Variants in LHFPL3 observed in about 807,000 individuals in gnomAD.
LHFPL3 encodes LHFPL tetraspan subfamily member 3 protein.
A neutral mutation model predicts 19.3 loss-of-function variants in LHFPL3; 5 were observed. The ratio of observed to expected loss-of-function variants is 0.26; its 90% CI spans 0.14 to 0.54. The LOEUF (loss-of-function observed/expected upper bound fraction) is 0.54, where lower values mean the gene tolerates loss of function less well. LHFPL3 is among the 20% of genes least tolerant of loss of function. The pLI, the probability that LHFPL3 is intolerant of heterozygous loss-of-function variation, is 0.94. For missense variants in LHFPL3, 249 were observed against 307.4 expected, an observed-to-expected ratio of 0.81 and a Z score of 1.42; for synonymous variants, 133 against 126.2, an observed-to-expected ratio of 1.05 and a Z score of -0.36.
At chr7:104,678,343 C>T (rs1212204286) in intron 1 of LHFPL3, among the ~76,000 whole-genome samples, 1 of 152,152 alleles carries the variant, frequency 6.6e-6, no homozygotes, top group Non-Finnish European at 1.5e-5. Flanking sequence ...GCACCCCTTA[C>T]CAAACGTTGC....
chr7:104,429,277 TTTC>T (rs1198930157), intron 1 of LHFPL3, among the ~76,000 whole-genome samples: 2 of 151,382 alleles, frequency 1.3e-5, no homozygotes, highest in South Asian at 2.1e-4. Flanking sequence ...AGGATGCATA[TTTC>T]GGAATCTACC....
chr7:104,422,893 A>G (rs188255109), intron 1 of LHFPL3, among the ~76,000 whole-genome samples: 70 of 152,332 alleles, frequency 4.6e-4, no homozygotes, highest in African/African-American at 1.7e-3. Context: ...AGAAACTCAG[A>G]GGCTATTGGG....
Position 104,328,995 on chromosome 7 carries a change from T to C in LHFPL3, c.216T>C (p.Tyr72=), listed in dbSNP as rs765043434. ...GDGVDTPQAG[Y]FGLFHYCIGN... is the part of the protein sequence containing the mutation. ...GCGTGGACACCCCGCAAGCCGGCTA[T>C]TTCGGGCTCTTCCACTACTGCATCG... Residue 72 remains tyrosine (Y), a synonymous_variant, in exon 1 of 3, where the codon TAT becomes TAC. Transcript: ENST00000424859. The surrounding 1 kb of genome is among the most constrained non-coding windows in gnomAD (Gnocchi z 4.6). The C allele has an allele frequency of 1.2e-6, 2 of 1,614,158 alleles. No homozygotes were observed. Among genetic ancestry groups the C allele is most frequent in the South Asian group, 2.2e-5 (2 of 91,088 alleles).
intron 1 of LHFPL3, among the ~76,000 whole-genome samples, chr7:104,500,555 T>C (rs1358054989): frequency 6.6e-6 from 1 of 152,178 alleles, no homozygotes; most frequent in East Asian, 1.9e-4. Context: ...CTAATATCTC[T>C]TCAGTCCACT....
At chr7:104,603,001 T>C (rs546475296) in intron 1 of LHFPL3, among the ~76,000 whole-genome samples, 1 of 152,328 alleles carries the variant, frequency 6.6e-6, no homozygotes, top group South Asian at 2.1e-4. Flanking sequence ...TAATCGCCTC[T>C]TAAAGGTTCC....
chr7:104,699,572 G>A (rs1031249487), intron 1 of LHFPL3, among the ~76,000 whole-genome samples: 2 of 152,168 alleles, frequency 1.3e-5, no homozygotes, highest in Non-Finnish European at 2.9e-5. Context: ...GTGTTTAATG[G>A]ACATAGAGCT....
chr7:104,498,934 C>T (rs913695111), intron 1 of LHFPL3, among the ~76,000 whole-genome samples: 1 of 152,192 alleles, frequency 6.6e-6, no homozygotes, highest in Non-Finnish European at 1.5e-5. Flanking sequence ...ACCTATTCTT[C>T]CTTTGAAGAC....
intron 1 of LHFPL3, among the ~76,000 whole-genome samples, chr7:104,685,163 A>G (rs879883780): frequency 2.0e-5 from 3 of 152,308 alleles, no homozygotes; most frequent in East Asian, 1.9e-4. Context: ...CCTGGCCAAC[A>G]TGATGAAACC....
Position 104,452,078 on chromosome 7 carries a change from A to G in LHFPL3, c.445+122854A>G, listed in dbSNP as rs1160523009. On this transcript the variant is annotated intron_variant, in intron 1 of 2. Transcript: ENST00000424859. ...TTCAAATAATATGGTCAAGTTCAGTAAAAAGAAAAGAAAAATTTCCCCAAA... is the reference window on the plus strand; with the variant it reads ...TTCAAATAATATGGTCAAGTTCAGTGAAAAGAAAAGAAAAATTTCCCCAAA... 3.3e-5 allele frequency among the ~76,000 whole-genome samples: 5 copies of G among 152,272 alleles called. No individual in the cohort carries two copies. The East Asian group carries it at 9.6e-4, about 29-fold the overall frequency.
chr7:104,747,923 G>A (rs1794080966), intron 2 of LHFPL3, among the ~76,000 whole-genome samples: 1 of 152,162 alleles, frequency 6.6e-6, no homozygotes, highest in Admixed American at 6.5e-5. Flanking sequence ...TTTTTAGAGT[G>A]TGGGGAAAAG....
intron 1 of LHFPL3, among the ~76,000 whole-genome samples, chr7:104,521,699 A>T (rs1043273540): frequency 3.9e-5 from 6 of 152,004 alleles, no homozygotes; most frequent in Non-Finnish European, 8.8e-5. Context: ...AGAAAAAAAC[A>T]AACAACCCCA....
intron 1 of LHFPL3, among the ~76,000 whole-genome samples, chr7:104,543,096 T>C (rs1488771857): frequency 6.6e-6 from 1 of 152,034 alleles, no homozygotes; most frequent in African/African-American, 2.4e-5. Context: ...AAGTGTGAGT[T>C]GAACAATGAG....
At chr7:104,597,915 A>T (rs564545720) in intron 1 of LHFPL3, among the ~76,000 whole-genome samples, 2 of 152,330 alleles carry the variant, frequency 1.3e-5, no homozygotes, top group Admixed American at 1.3e-4. Flanking sequence ...TGGATAAGAC[A>T]TCAGTTTGAA....
At chr7:104,715,864 G>T (rs1174708359) in intron 1 of LHFPL3, among the ~76,000 whole-genome samples, 1 of 152,134 alleles carries the variant, frequency 6.6e-6, no homozygotes, top group Non-Finnish European at 1.5e-5. Context: ...TTTCCTTGTG[G>T]TGTCTTTGCC....
chr7:104,564,100 T>C (rs1790073168), intron 1 of LHFPL3, among the ~76,000 whole-genome samples: 2 of 152,194 alleles, frequency 1.3e-5, no homozygotes, highest in Non-Finnish European at 1.5e-5. Context: ...TATTATTGTA[T>C]AAAAGAGAAA....
intron 1 of LHFPL3, among the ~76,000 whole-genome samples, chr7:104,406,869 G>A (rs767510533): frequency 6.6e-6 from 1 of 152,144 alleles, no homozygotes; most frequent in Non-Finnish European, 1.5e-5. Context: ...GACATTCCAG[G>A]GTAGCTGCAT....
chr7:104,340,193 A>AT (rs34262556), intron 1 of LHFPL3, among the ~76,000 whole-genome samples: 8,983 of 152,118 alleles, frequency 0.059, 345 homozygotes, highest in Middle Eastern at 0.095. Flanking sequence ...TCTATTCCAG[A>AT]TTTTTTTTAA....
intron 1 of LHFPL3, among the ~76,000 whole-genome samples, chr7:104,505,416 C>T (rs928187173): frequency 4.6e-5 from 7 of 152,150 alleles, no homozygotes; most frequent in Non-Finnish European, 8.8e-5. Context: ...CTTGTGTTCT[C>T]CTGTATATGC....
intron 1 of LHFPL3, among the ~76,000 whole-genome samples, chr7:104,475,760 CAGT>C (rs1327077898): frequency 2.6e-5 from 4 of 152,180 alleles, no homozygotes; most frequent in Non-Finnish European, 5.9e-5. Flanking sequence ...TTTCCAAATG[CAGT>C]AGTAACAAAT....
Sources: gnomAD v4.1 joint callset for allele counts (sites outside exome capture counted in the v4.1 genomes callset) on GRCh38, gnomAD v4.1.1 for gene constraint, Gnocchi (gnomAD v3.1) non-coding constraint, MANE v1.5 for transcripts, NCBI Gene and HGNC (gene_info 2026-07-23, HGNC 2026-07-21) for gene names.